Variants in NOL4 observed in about 807,000 individuals in gnomAD.
NOL4 encodes the protein nucleolar protein 4.
NOL4 carries 17 observed loss-of-function variants against 75.9 expected under a neutral mutation model. That is an observed-to-expected ratio of 0.22 (90% confidence interval 0.15 to 0.34). The LOEUF (loss-of-function observed/expected upper bound fraction) is 0.34. Ranked by LOEUF, NOL4 falls within the 10% of genes least tolerant of loss-of-function variation. NOL4 has a pLI of 1.00. For missense variants in NOL4, 614 were observed against 793.5 expected, an observed-to-expected ratio of 0.77 and a Z score of 2.72; for synonymous variants, 292 against 289.9, an observed-to-expected ratio of 1.01 and a Z score of -0.07.
intron 6 of NOL4, among the ~76,000 whole-genome samples, chr18:33,989,442 T>G (rs2146090428): frequency 6.6e-6 from 1 of 152,170 alleles, no homozygotes; most frequent in East Asian, 1.9e-4. Context: ...AGATAACTTT[T>G]AATACAGCAT....
intron 8 of NOL4, among the ~76,000 whole-genome samples, chr18:33,949,268 GT>G (rs2145639899): frequency 6.6e-6 from 1 of 152,154 alleles, no homozygotes; most frequent in South Asian, 2.1e-4. Flanking sequence ...ATTCCACATG[GT>G]TTTGATGGAA....
chr18:34,180,546 A>G (rs373163987), intron 1 of NOL4, among the ~76,000 whole-genome samples: 1 of 151,572 alleles, frequency 6.6e-6, no homozygotes, highest in African/African-American at 2.4e-5. Flanking sequence ...TCCCCCCAAG[A>G]TCAGGAAGGA....
intron 9 of NOL4, among the ~76,000 whole-genome samples, chr18:33,921,472 A>T (rs1271431520): frequency 6.6e-6 from 1 of 152,166 alleles, no homozygotes; most frequent in East Asian, 1.9e-4. Context: ...ATCTGAATTG[A>T]AAAAAGGGAC....
At chr18:33,957,152 C>A (rs1453874465) in intron 8 of NOL4, among the ~76,000 whole-genome samples, 174 bp downstream of exon 8, 1 of 151,812 alleles carries the variant, frequency 6.6e-6, no homozygotes, top group East Asian at 1.9e-4. Context: ...AGAATAAATA[C>A]TTCAGGAAGA....
intron 9 of NOL4, among the ~76,000 whole-genome samples, chr18:33,930,814 T>G (rs1437820780): frequency 6.6e-6 from 1 of 151,922 alleles, no homozygotes; most frequent in Non-Finnish European, 1.5e-5. Context: ...AGAATATAAA[T>G]GTATATCAGG....
intron 9 of NOL4, among the ~76,000 whole-genome samples, chr18:33,886,716 T>C (rs1364474011): frequency 2.1e-5 from 3 of 146,058 alleles, no homozygotes; most frequent in Admixed American, 6.9e-5. Flanking sequence ...GATATGCTCA[T>C]TGCACATTGT....
intron 5 of NOL4, among the ~76,000 whole-genome samples, chr18:34,051,714 G>A (rs548539688): frequency 6.6e-6 from 1 of 152,106 alleles, no homozygotes; most frequent in Admixed American, 6.6e-5. Flanking sequence ...TCTAGGTGCT[G>A]GGGGTATGAT....
At chr18:34,103,910 G>A (rs1407520046) in intron 4 of NOL4, 137 bp downstream of exon 4, 27 of 593,686 alleles carry the variant, frequency 4.5e-5, no homozygotes, top group Non-Finnish European at 9.2e-6. Context: ...TTTCCCATCT[G>A]TGCAACTGTG....
At chr18:33,883,564 A>T in intron 9 of NOL4, 140 bp from the exon 10 acceptor site, 1 of 530,398 alleles carries the variant, frequency 1.9e-6, no homozygotes, top group Non-Finnish European at 3.0e-6. Context: ...ACAGATGCAC[A>T]TTTTCAACAT....
At chr18:33,884,273 T>A (rs1390633913) in intron 9 of NOL4, among the ~76,000 whole-genome samples, 1 of 152,138 alleles carries the variant, frequency 6.6e-6, no homozygotes, top group African/African-American at 2.4e-5. Context: ...TATGTGTGTG[T>A]GTGTCTTTCT....
chr18:34,213,236 G>A (rs543253045), intron 1 of NOL4, among the ~76,000 whole-genome samples: 2 of 152,102 alleles, frequency 1.3e-5, no homozygotes, highest in Non-Finnish European at 2.9e-5. Flanking sequence ...GTTGAGAAGT[G>A]GAACCTTCAA....
chr18:34,004,336 T>C (rs2073910062), intron 6 of NOL4, among the ~76,000 whole-genome samples: 1 of 152,090 alleles, frequency 6.6e-6, no homozygotes, highest in South Asian at 2.1e-4. Flanking sequence ...CATGGGCCAC[T>C]GGTCACTCAT....
chr18:34,120,504 T>C (rs1035096306), intron 2 of NOL4, among the ~76,000 whole-genome samples: 4 of 152,300 alleles, frequency 2.6e-5, no homozygotes, highest in African/African-American at 9.6e-5. Flanking sequence ...CATCCAAAGT[T>C]ATTTTGTGGT....
rs531156517 is a variant in NOL4 at position 33,947,315 on chromosome 18, T to C, written c.1429-4137A>G. 3.3e-5 allele frequency among the ~76,000 whole-genome samples: 5 copies of C among 151,872 alleles called. No individual in the cohort carries two copies. The South Asian group carries it at 8.3e-4, about 25-fold the overall frequency. On this transcript the variant is annotated intron_variant, in intron 8 of 10. Coordinates refer to ENST00000261592, the MANE Select transcript of NOL4 (RefSeq NM_003787.5). ...GGCTTATTCTAATGTCACCACAGTATGGTCTTTCTAAAACATAATTAGCAG... is the reference window on the plus strand; with the variant it reads ...GGCTTATTCTAATGTCACCACAGTACGGTCTTTCTAAAACATAATTAGCAG...
In NOL4 at chr18:34,224,681, G is replaced by A. The variant is rs1247867618; in HGVS notation, c.-1428C>T. ...TCGTCGTCTCCCAGACTAAATCCCG[G>A]AAAGGGAAAGCGGGATGTTTGCGCC... is the stretch of plus-strand genomic sequence containing the variant. On this transcript the variant is annotated 5_prime_UTR_variant, in exon 1 of 11. Transcript: ENST00000261592. 6.6e-6 allele frequency: 1 copy of A among 152,316 alleles called. No homozygotes were observed. Among genetic ancestry groups the A allele is most frequent in the Non-Finnish European group, 1.5e-5 (1 of 68,108 alleles). The allele number at this position is 152,316 out of a possible 1,614,324, so 9.4% of individuals were successfully genotyped here.
chr18:34,023,744 T>A (rs899523393), intron 5 of NOL4: 8 of 246,952 alleles, frequency 3.2e-5, no homozygotes, highest in Non-Finnish European at 6.9e-5. Context: ...GTTAACTTGT[T>A]CTGTGGCTAC....
At chr18:33,916,293 G>T (rs1158669812) in intron 9 of NOL4, among the ~76,000 whole-genome samples, 1 of 152,004 alleles carries the variant, frequency 6.6e-6, no homozygotes. Context: ...CCAGATAATG[G>T]CCTGTGTATA....
At chr18:34,187,478 GC>G (rs985182193) in intron 1 of NOL4, among the ~76,000 whole-genome samples, 1 of 143,822 alleles carries the variant, frequency 7.0e-6, no homozygotes, top group African/African-American at 2.6e-5. Flanking sequence ...CCGGGTTTAC[GC>G]CATTCTCCTG....
At chr18:33,920,928 C>A (rs143068701) in intron 9 of NOL4, among the ~76,000 whole-genome samples, 1 of 152,178 alleles carries the variant, frequency 6.6e-6, no homozygotes, top group South Asian at 2.1e-4. Context: ...GCGGCCACTG[C>A]CCAGGCTGGC....
Sources: allele counts gnomAD v4.1 joint callset (sites outside exome capture counted in the v4.1 genomes callset), GRCh38; gene constraint gnomAD v4.1.1; transcripts MANE v1.5; gene names NCBI Gene and HGNC (gene_info 2026-07-23, HGNC 2026-07-21).